The following GJE1 variants were observed in gnomAD, a reference collection of about 807,000 sequenced individuals.
The protein encoded by GJE1 is gap junction epsilon-1 protein.
GJE1 carries 9 observed loss-of-function variants against 6.2 expected under a neutral mutation model. The ratio of observed to expected loss-of-function variants is 1.45; its 90% confidence interval spans 0.87 to 2.52. The LOEUF is 2.52. Among genes scored for constraint, GJE1 ranks in the 30% most tolerant of loss-of-function variants. The pLI, the probability that GJE1 is intolerant of heterozygous loss-of-function variation, is 0.00. For synonymous variants in GJE1, 65 were observed against 30.1 expected (o/e 2.16, Z -3.80); for missense variants, 190 against 87.7 (o/e 2.17, Z -4.66).
chr6:142,134,005 C>A lies in GJE1; in HGVS notation c.195C>A (p.Tyr65Ter). 1.4e-6 allele frequency: 1 copy of A among 702,262 alleles called. No homozygotes were observed. The allele number at this position is 702,262 out of a possible 1,614,324, so 43.5% of individuals were successfully genotyped here. A position where few individuals can be genotyped will look rare whatever the true frequency, so the allele number is the denominator to read the frequency against. ...AAAGAGAAGTAAACCTCTTCTGTTA[C>A]AATCAGTTCAGGCCAATCACTCCAC... Residue 65 changes from tyrosine to a stop codon, truncating the protein, a stop_gained, in exon 2 of 3, where the codon TAC becomes TAA. Transcript: ENST00000450456. LOFTEE classifies it high-confidence loss of function.
intron 2 of GJE1, among the ~76,000 whole-genome samples, chr6:142,134,297 A>G (rs1340862156): frequency 6.6e-6 from 1 of 152,192 alleles, no homozygotes; most frequent in Admixed American, 6.5e-5. Context: ...CTAATAAAAT[A>G]AACTACTTCA....
At chr6:142,132,989 G>C (rs1430579253), upstream of GJE1, 7 of 434,448 alleles carry the variant, frequency 1.6e-5, no homozygotes, top group Non-Finnish European at 2.9e-5. Flanking sequence ...GGTTGAATGG[G>C]GCCCCAGAGA....
chr6:142,134,244 A>G (rs1234195167), intron 2 of GJE1, among the ~76,000 whole-genome samples, 200 bp downstream of exon 2: 2 of 152,150 alleles, frequency 1.3e-5, no homozygotes, highest in Non-Finnish European at 2.9e-5. Flanking sequence ...TACTAATGTT[A>G]TCATTATTCT....
At chr6:142,133,865 G>A in exon 2 of GJE1, 2 of 692,998 alleles carry the variant, frequency 2.9e-6, no homozygotes, top group South Asian at 3.0e-5. Context: ...ACCTCCAACT[G>A]TGATTGGTCA....
chr6:142,134,707 AT>A lies in GJE1; in HGVS notation c.406del (p.Tyr136ThrfsTer7), dbSNP rs1397891458. 3 of 693,030 alleles carry A rather than the reference AT, an allele frequency of 4.3e-6. No homozygotes were observed. In the East Asian group the frequency reaches 8.1e-5, roughly 19 times the overall value. The allele number at this position is 693,030 out of a possible 1,614,324, so 42.9% of individuals were successfully genotyped here. A position where few individuals can be genotyped will look rare whatever the true frequency, so the allele number is the denominator to read the frequency against. Reference sequence around the variant, plus strand: ...AGCGGCAATAGCATTCTGGCTTCAGATTTACCTCTTTGGTTTCCAAGTAAAA... The same window carrying A: ...AGCGGCAATAGCATTCTGGCTTCAGATTACCTCTTTGGTTTCCAAGTAAAA... On this transcript the variant is annotated frameshift_variant, in exon 3 of 3. Transcript: ENST00000450456. LOFTEE classifies it high-confidence loss of function.
exon 1 of GJE1, chr6:142,133,091 C>A: frequency 8.3e-6 from 5 of 603,764 alleles, no homozygotes; most frequent in South Asian, 5.9e-5. Flanking sequence ...TTGATTCTGG[C>A]AGAAGCAAAC....
chr6:142,134,729 T>G (rs1324150148), exon 3 of GJE1: 4 of 691,528 alleles, frequency 5.8e-6, no homozygotes, highest in South Asian at 4.6e-5. Flanking sequence ...GGTTTCCAAG[T>G]AAAATCTCTT....
At chr6:142,135,302 A>G (rs999515253), downstream of GJE1, among the ~76,000 whole-genome samples, 7 of 152,070 alleles carry the variant, frequency 4.6e-5, no homozygotes, top group East Asian at 1.2e-3. Flanking sequence ...CCAGATATTT[A>G]TATTTCCCTT....
intron 2 of GJE1, 26 bp downstream of exon 2, chr6:142,134,070 A>C (rs1778201731): frequency 1.7e-6 from 1 of 593,032 alleles, no homozygotes; most frequent in Non-Finnish European, 3.1e-6. Flanking sequence ...TTAACTCTAC[A>C]ACAAACTCAT....
chr6:142,133,869 T>C lies in GJE1; in HGVS notation c.59T>C (p.Ile20Thr). 1.1e-5 allele frequency: 8 copies of C among 697,334 alleles called. 1 individual carries two copies. The highest frequency in any genetic ancestry group is 3.5e-5 in the African/African-American group (2 of 57,240). 43.2% of individuals were successfully genotyped at this position (697,334 alleles called of 1,614,324 possible). Reference sequence around the variant, plus strand: ...TAACAGGTTAAACCTCCAACTGTGATTGGTCAATTCCACACCCTTTTCTTT... The same window carrying C: ...TAACAGGTTAAACCTCCAACTGTGACTGGTCAATTCCACACCCTTTTCTTT... Residue 20 changes from isoleucine to threonine, a missense_variant, in exon 2 of 3, where the codon ATT (isoleucine) becomes ACT (threonine). Coordinates refer to ENST00000450456, the Ensembl canonical transcript of GJE1.
upstream of GJE1, chr6:142,132,977 A>G: frequency 2.4e-6 from 1 of 421,418 alleles, no homozygotes; most frequent in Non-Finnish European, 4.2e-6. Context: ...CAGAGATAGG[A>G]AGGTTGAATG....
At chr6:142,132,993 C>T, upstream of GJE1, 1 of 435,262 alleles carries the variant, frequency 2.3e-6, no homozygotes, top group East Asian at 3.3e-5. Context: ...GAATGGGGCC[C>T]CAGAGATCTA....
rs79798561 is a variant in GJE1 at position 142,134,781 on chromosome 6, A to C, written c.477A>C (p.Ile159=). 2,406 of 692,778 alleles carry C rather than the reference A, an allele frequency of 3.5e-3. 51 individuals carry two copies. The African/African-American group carries it at 0.037, about 11-fold the overall frequency. The allele number at this position is 692,778 out of a possible 1,614,324, so 42.9% of individuals were successfully genotyped here. Reference sequence around the variant, plus strand: ...GATCTCTTGGGGAAAACATGATTATAAGATGCATGGTTCCAGAACACTTTG... The same window carrying C: ...GATCTCTTGGGGAAAACATGATTATCAGATGCATGGTTCCAGAACACTTTG... Residue 159 remains isoleucine (I), a synonymous_variant, in exon 3 of 3, where the codon ATA becomes ATC. Transcript: ENST00000450456.
rs535406948 is a variant in GJE1, at chr6:142,133,969, C to A, written c.159C>A (p.Cys53Ter). ...GGAATGAGGCCTTGCACTTCATTTG[C>A]GATCCAGACAAAAGAGAAGTAAACC... Residue 53 changes from cysteine to a stop codon, truncating the protein, a stop_gained, in exon 2 of 3, where the codon TGC (cysteine) becomes TGA (stop). Transcript: ENST00000450456. LOFTEE classifies it high-confidence loss of function. 1 of 702,336 alleles carries A rather than the reference C, an allele frequency of 1.4e-6. No homozygotes were observed. The allele number at this position is 702,336 out of a possible 1,614,324, so 43.5% of individuals were successfully genotyped here.
chr6:142,133,212 A>G lies in GJE1; in HGVS notation c.39+15A>G, dbSNP rs1309205577. Reference sequence around the variant, plus strand: ...ATGAAGGATGTGTAAGTATTATACAAACAAAAAATCAATTGTATGAGTCTT... The same window carrying G: ...ATGAAGGATGTGTAAGTATTATACAGACAAAAAATCAATTGTATGAGTCTT... On this transcript the variant is annotated intron_variant, in intron 1 of 2. Coordinates refer to ENST00000450456, the Ensembl canonical transcript of GJE1. 1.1e-5 allele frequency: 7 copies of G among 655,200 alleles called. No homozygotes were observed. Among genetic ancestry groups the G allele is most frequent in the Admixed American group, 8.9e-5 (4 of 45,122 alleles). 40.6% of individuals were successfully genotyped at this position (655,200 alleles called of 1,614,324 possible).
At chr6:142,134,114 G>A (rs902298535) in intron 2 of GJE1, 70 bp downstream of exon 2, 3 of 534,544 alleles carry the variant, frequency 5.6e-6, no homozygotes, top group Non-Finnish European at 1.0e-5. Context: ...GTCATAATAT[G>A]AGAAATACCC....
chr6:142,133,930 C>A, exon 2 of GJE1: 2 of 702,466 alleles, frequency 2.8e-6, no homozygotes, highest in Non-Finnish European at 5.2e-6. Context: ...GGGTGCTAGG[C>A]TTTGCAGTTT....
In GJE1 at chr6:142,134,640, C is replaced by T. The variant is rs764922078; in HGVS notation, c.336C>T (p.Tyr112=). Residue 112 remains tyrosine (Y), a synonymous_variant, in exon 3 of 3, where the codon TAC becomes TAT. Transcript: ENST00000450456. ...AATGCATTCTTCAAAAGCCTATCTA[C>T]ACTATAATTTATATACTCTCTGTTT... 7.2e-6 allele frequency: 5 copies of T among 692,498 alleles called. No homozygotes were observed. In the East Asian group the frequency reaches 1.1e-4, roughly 15 times the overall value. The allele number at this position is 692,498 out of a possible 1,614,324, so 42.9% of individuals were successfully genotyped here. A position where few individuals can be genotyped will look rare whatever the true frequency, so the allele number is the denominator to read the frequency against.
chr6:142,134,132 T>G (rs1000467756), intron 2 of GJE1, 88 bp downstream of exon 2: 3 of 511,790 alleles, frequency 5.9e-6, no homozygotes, highest in Non-Finnish European at 1.0e-5. Context: ...CCCTAACAGG[T>G]TTTTTGTTCC....
Sources: gnomAD v4.1 joint callset for allele counts (sites outside exome capture counted in the v4.1 genomes callset) on GRCh38, gnomAD v4.1.1 for gene constraint, MANE v1.5 for transcripts, NCBI Gene and HGNC (gene_info 2026-07-23, HGNC 2026-07-21) for gene names.